The following NSG2 variants were observed in gnomAD, a reference collection of about 807,000 sequenced individuals.
NSG2 encodes neuronal vesicle trafficking-associated protein 2.
NSG2 carries 4 observed loss-of-function variants against 16.9 expected under a neutral mutation model. That is an observed-to-expected ratio of 0.24 (90% confidence interval 0.12 to 0.54). The LOEUF is 0.54. NSG2 is among the 20% of genes least tolerant of loss of function. The pLI is 0.95. For missense variants in NSG2, 179 were observed against 221.1 expected (o/e 0.81, Z 1.21); for synonymous variants, 98 against 88.7 (o/e 1.11, Z -0.59).
chr5:174,070,217 T>G (rs1760215290), intron 3 of NSG2, among the ~76,000 whole-genome samples: 1 of 152,158 alleles, frequency 6.6e-6, no homozygotes, highest in African/African-American at 2.4e-5. Context: ...TATTTTTTAG[T>G]ACTTCAGTTA....
intron 3 of NSG2, among the ~76,000 whole-genome samples, chr5:174,094,166 G>A (rs1290982279): frequency 6.6e-6 from 1 of 152,176 alleles, no homozygotes; most frequent in Non-Finnish European, 1.5e-5. Flanking sequence ...TACTCCTTCA[G>A]GAACCATGTG....
chr5:174,051,727 A>T (rs1759892941), intron 2 of NSG2, among the ~76,000 whole-genome samples: 1 of 152,262 alleles, frequency 6.6e-6, no homozygotes, highest in South Asian at 2.1e-4. Context: ...GACTTCAAAC[A>T]ATCCATCATA....
At chr5:174,076,496 A>G (rs897495338) in intron 3 of NSG2, among the ~76,000 whole-genome samples, 9 of 152,140 alleles carry the variant, frequency 5.9e-5, no homozygotes, top group Non-Finnish European at 1.3e-4. Context: ...TAGCTAATGA[A>G]ACTGACTTGA....
chr5:174,066,995 A>G (rs1438297524), intron 3 of NSG2, among the ~76,000 whole-genome samples: 1 of 148,232 alleles, frequency 6.7e-6, no homozygotes, highest in African/African-American at 2.4e-5. Context: ...GTCTCAAAAA[A>G]AAAAAAAAAA....
At chr5:174,069,844 C>G (rs1760203946) in intron 3 of NSG2, among the ~76,000 whole-genome samples, 1 of 149,404 alleles carries the variant, frequency 6.7e-6, no homozygotes, top group Non-Finnish European at 1.5e-5. Context: ...TTCCTGGAGG[C>G]ACGTGTTTGC....
chr5:174,106,327 A>T (rs1340140449), intron 4 of NSG2, among the ~76,000 whole-genome samples: 2 of 152,192 alleles, frequency 1.3e-5, no homozygotes, highest in Non-Finnish European at 1.5e-5. Context: ...ACCTAGCTCT[A>T]TATCAAGTTA....
At chr5:174,079,245 CTT>C (rs1461960889) in intron 3 of NSG2, among the ~76,000 whole-genome samples, 1 of 142,744 alleles carries the variant, frequency 7.0e-6, no homozygotes, top group Admixed American at 6.9e-5. Flanking sequence ...CTTTCTCTCT[CTT>C]TCTCTCTCTC....
chr5:174,071,393 A>G (rs1760238833), intron 3 of NSG2, among the ~76,000 whole-genome samples: 1 of 152,220 alleles, frequency 6.6e-6, no homozygotes, highest in African/African-American at 2.4e-5. Context: ...AGGCTGAGGC[A>G]GGGGAATTGC....
chr5:174,091,665 G>GTGTGTC, intron 3 of NSG2, among the ~76,000 whole-genome samples: 1 of 151,608 alleles, frequency 6.6e-6, no homozygotes, highest in East Asian at 1.9e-4. Flanking sequence ...GTGTGTGTGT[G>GTGTGTC]TGTGTGTGTG....
chr5:174,075,533 T>C (rs1581227820), intron 3 of NSG2, among the ~76,000 whole-genome samples: 1 of 152,156 alleles, frequency 6.6e-6, no homozygotes, highest in African/African-American at 2.4e-5. Context: ...CTCTTTTTTC[T>C]CTTTAAATAC....
chr5:174,088,401 C>G (rs1023515946), intron 3 of NSG2, among the ~76,000 whole-genome samples: 2 of 152,194 alleles, frequency 1.3e-5, no homozygotes, highest in Non-Finnish European at 1.5e-5. Flanking sequence ...CAGTATTTCA[C>G]AACACCCCAA....
In NSG2 at chr5:174,080,521, T is replaced by TTCTTTCTTTCTCTCTCTCTCTCTCTCTC. The variant is rs1561668597; in HGVS notation, c.213+16213_213+16214insTTCTCTCTCTCTCTCTCTCTCTCTTTCT. On this transcript the variant is annotated intron_variant, in intron 3 of 4. Transcript: ENST00000303177. ...CCTCTTTCTTTCTTTCCCTCTTTCTTTCTTTCTCTCTCTCTCTCTCTCTCT... is the reference window on the plus strand; with the variant it reads ...CCTCTTTCTTTCTTTCCCTCTTTCTTTCTTTCTTTCTCTCTCTCTCTCTCTCTCTCTTTCTCTCTCTCTCTCTCTCTCT... 3.6e-4 allele frequency among the ~76,000 whole-genome samples: 31 copies of TTCTTTCTTTCTCTCTCTCTCTCTCTCTC among 86,926 alleles called. 1 individual carries two copies. The highest frequency in any genetic ancestry group is 1.0e-3 in the African/African-American group (24 of 23,282). The allele number at this position is 86,926 out of a possible 152,430, so 57.0% of individuals were successfully genotyped here.
chr5:174,062,982 G>A (rs1469878078), intron 2 of NSG2, among the ~76,000 whole-genome samples: 1 of 152,188 alleles, frequency 6.6e-6, no homozygotes, highest in Non-Finnish European at 1.5e-5. Flanking sequence ...TTTTAGCTGT[G>A]TGACCCTGGA....
intron 3 of NSG2, among the ~76,000 whole-genome samples, chr5:174,093,871 A>G (rs1206002660): frequency 6.6e-6 from 1 of 152,120 alleles, no homozygotes; most frequent in Non-Finnish European, 1.5e-5. Flanking sequence ...AATGAAGTTC[A>G]TGTTTCCTGA....
Position 174,061,883 on chromosome 5 carries a change from G to A in NSG2, c.130-2349G>A, listed in dbSNP as rs367969420. On this transcript the variant is annotated intron_variant, in intron 2 of 4. Coordinates refer to ENST00000303177, the MANE Select transcript of NSG2 (RefSeq NM_015980.5). Reference sequence around the variant, plus strand: ...CTCCCAAAGGGCTGGGATTACAGGCGGGAGCCACTGTGCCGAGCCCCCAAA... The same window carrying A: ...CTCCCAAAGGGCTGGGATTACAGGCAGGAGCCACTGTGCCGAGCCCCCAAA... Among the ~76,000 whole-genome samples, 158 of 151,590 alleles carry A rather than the reference G, an allele frequency of 1.0e-3. No individual in the cohort carries two copies. In the South Asian group the frequency reaches 0.015, roughly 14 times the overall value.
intron 2 of NSG2, among the ~76,000 whole-genome samples, chr5:174,058,178 G>C (rs1004054204): frequency 1.3e-5 from 2 of 152,170 alleles, no homozygotes; most frequent in Admixed American, 1.3e-4. Flanking sequence ...GGTGGCTGGG[G>C]CAGGAGGGTC....
intron 4 of NSG2, among the ~76,000 whole-genome samples, chr5:174,105,394 C>A (rs998044693): frequency 6.6e-6 from 1 of 152,200 alleles, no homozygotes; most frequent in African/African-American, 2.4e-5. Flanking sequence ...TGTTTATTTC[C>A]TCCATTATAT....
chr5:174,098,688 ACT>A lies in NSG2; in HGVS notation c.214-5534_214-5533del, dbSNP rs140360098. ...TGGTGAATTGCTCATTGAATGTCTC[ACT>A]CTCTCCCTCCTGTGAACTCCTTGAG... On this transcript the variant is annotated intron_variant, in intron 3 of 4. Transcript: ENST00000303177. Among the ~76,000 whole-genome samples, 1,423 of 150,906 alleles carry A rather than the reference ACT, an allele frequency of 9.4e-3. 20 individuals are homozygous for A. The highest frequency in any genetic ancestry group is 0.069 in the East Asian group (355 of 5,116).
At chr5:174,049,900 T>A (rs1048472877) in intron 2 of NSG2, among the ~76,000 whole-genome samples, 7 of 152,220 alleles carry the variant, frequency 4.6e-5, no homozygotes, top group Non-Finnish European at 8.8e-5. Flanking sequence ...AAGCCAAAGG[T>A]CCTCTAAATG....
Sources: allele counts gnomAD v4.1 joint callset (sites outside exome capture counted in the v4.1 genomes callset), GRCh38; gene constraint gnomAD v4.1.1; transcripts MANE v1.5; gene names NCBI Gene and HGNC (gene_info 2026-07-23, HGNC 2026-07-21).